The following NR5A1 variants were observed in gnomAD, a reference collection of about 807,000 sequenced individuals.
NR5A1 encodes the protein nuclear receptor subfamily 5 group A member 1.
Under a neutral mutation model 42.7 loss-of-function variants are expected in NR5A1, and 6 were observed. The ratio of observed to expected loss-of-function variants is 0.14; its 90% CI spans 0.08 to 0.28. The LOEUF is 0.28. Among genes scored for constraint, NR5A1 ranks in the 10% least tolerant of loss-of-function variants. The pLI, the probability that NR5A1 is intolerant of heterozygous loss-of-function variation, is 1.00. For missense variants in NR5A1, 442 were observed against 626.4 expected, an observed-to-expected ratio of 0.71 and a Z score of 3.14; for synonymous variants, 274 against 277.5, an observed-to-expected ratio of 0.99 and a Z score of 0.12.
At position 124,500,247 on chromosome 9, in the gene NR5A1, T is replaced by C. The variant is rs758848326; in HGVS notation, c.713A>G (p.Asp238Gly). ...GCCCAAGATGCGGGCCCGCACCTGG[T>C]CCTCATCCGGCTCCAGCTGCAGCAG... ...LQLLQLEPDE[D>G]QVRARILGCL... The change falls in exon 4 of 7, where the codon GAC (aspartate) becomes GGC (glycine). Residue 238 changes from aspartate to glycine, a missense_variant. Asp to Gly is a moderately conservative substitution (Grantham distance 94). Coordinates refer to ENST00000373588, the MANE Select transcript of NR5A1 (RefSeq NM_004959.5). The surrounding 1 kb of genome is among the most constrained non-coding windows in gnomAD (Gnocchi z 6.9). 1.2e-6 allele frequency: 2 copies of C among 1,601,404 alleles called. No individual in the cohort carries two copies. The highest frequency in any genetic ancestry group is 1.7e-6 in the Non-Finnish European group (2 of 1,174,442).
rs996926071 is a variant in NR5A1, at chr9:124,503,907, A to G, written c.-15-497T>C. Among the ~76,000 whole-genome samples the G allele has an allele frequency of 6.6e-6, 1 of 152,012 alleles. No homozygotes were observed. Among genetic ancestry groups the G allele is most frequent in the Non-Finnish European group, 1.5e-5 (1 of 68,012 alleles). On this transcript the variant is annotated intron_variant, in intron 1 of 6. Coordinates refer to ENST00000373588, the MANE Select transcript of NR5A1 (RefSeq NM_004959.5). The surrounding 1 kb of genome is among the most constrained non-coding windows in gnomAD (Gnocchi z 9.6). ...CTGGCGAGAGACAACGACCGACGCC[A>G]CCGGGCGCAGACACGAGGCCAGTCC...
chr9:124,503,773 G>A lies in NR5A1; in HGVS notation c.-15-363C>T, dbSNP rs979109506. 6.6e-6 allele frequency among the ~76,000 whole-genome samples: 1 copy of A among 152,236 alleles called. No homozygotes were observed. Among genetic ancestry groups the A allele is most frequent in the African/African-American group, 2.4e-5 (1 of 41,464 alleles). On this transcript the variant is annotated intron_variant, in intron 1 of 6. Coordinates refer to ENST00000373588, the MANE Select transcript of NR5A1 (RefSeq NM_004959.5). The surrounding 1 kb of genome is among the most constrained non-coding windows in gnomAD (Gnocchi z 9.6). ...AGATGGGCTCAGCCGCGGGGAAGAC[G>A]CCAGGGGACCCAGGAGCGCTGGGGC...
At chr9:124,485,069 C>G (rs1832187700) in intron 6 of NR5A1, among the ~76,000 whole-genome samples, 1 of 152,190 alleles carries the variant, frequency 6.6e-6, no homozygotes, top group African/African-American at 2.4e-5. Flanking sequence ...AGCCTTCCTC[C>G]TCCCTGGAGG....
intron 6 of NR5A1, among the ~76,000 whole-genome samples, chr9:124,489,749 G>GCTC (rs889109727): frequency 9.0e-6 from 1 of 111,302 alleles, no homozygotes; most frequent in Admixed American, 1.0e-4. Context: ...GATCCTACCC[G>GCTC]CCCCCCACCC....
rs926009126 is a variant in NR5A1 at position 124,500,450 on chromosome 9, G to A, written c.510C>T (p.Pro170=). ...PLGDFGAPAL[P]MAVPGAHGPL... is the part of the protein sequence containing the mutation. ...GCCCGTGGGCACCGGGCACGGCCAT[G>A]GGCAGTGCTGGGGCCCCAAAGTCGC... The change falls in exon 4 of 7, where the codon CCC becomes CCT. Residue 170 remains proline (P), a synonymous_variant. Coordinates refer to ENST00000373588, the MANE Select transcript of NR5A1 (RefSeq NM_004959.5). This position sits in a 1 kb window ranked among gnomAD's most constrained non-coding sequence, Gnocchi z 6.9. 27 of 1,587,558 alleles carry A rather than the reference G, an allele frequency of 1.7e-5. No homozygotes were observed. Among genetic ancestry groups the A allele is most frequent in the Non-Finnish European group, 2.3e-5 (27 of 1,168,910 alleles).
Position 124,481,358 on chromosome 9 carries a change from A to G in NR5A1, c.*1400T>C, listed in dbSNP as rs10283445. ...GGGGCACATGTTTCAGGGGGCGGGG[A>G]GGGGAGGTACTGAGACAGGGTGGCG... On this transcript the variant is annotated 3_prime_UTR_variant, in exon 7 of 7. Coordinates refer to ENST00000373588, the MANE Select transcript of NR5A1 (RefSeq NM_004959.5). 0.59 allele frequency: 82,940 copies of G among 140,454 alleles called. 24,866 individuals are homozygous for G. The highest frequency in any genetic ancestry group is 0.77 in the East Asian group (3,752 of 4,882). 8.7% of individuals were successfully genotyped at this position (140,454 alleles called of 1,614,324 possible). A position where few individuals can be genotyped will look rare whatever the true frequency, so the allele number is the denominator to read the frequency against.
Position 124,493,013 on chromosome 9 carries a change from G to T in NR5A1, c.990+17C>A. 1 of 1,573,486 alleles carries T rather than the reference G, an allele frequency of 6.4e-7. No homozygotes were observed. The highest frequency in any genetic ancestry group is 8.6e-7 in the Non-Finnish European group (1 of 1,161,146). On this transcript the variant is annotated intron_variant, in intron 5 of 6. Transcript: ENST00000373588. ...GGCCAGGGCGGGGCCCAGGGGCGGG[G>T]CCGAGGGACTGGTCACCTCCTGCCC...
At chr9:124,486,878 G>T (rs1832218413) in intron 6 of NR5A1, among the ~76,000 whole-genome samples, 1 of 152,220 alleles carries the variant, frequency 6.6e-6, no homozygotes, top group South Asian at 2.1e-4. Flanking sequence ...TTTACAACCA[G>T]CTGGGTGACC....
At chr9:124,486,584 G>A (rs113564697) in intron 6 of NR5A1, among the ~76,000 whole-genome samples, 3,128 of 152,174 alleles carry the variant, frequency 0.021, 120 homozygotes, top group African/African-American at 0.071. Context: ...AGTTCTGTCC[G>A]AGATCCCCCA....
At position 124,496,184 on chromosome 9, in the gene NR5A1, G is replaced by GCACACACA. The variant is rs59598562; in HGVS notation, c.871-3043_871-3036dup. ...ACACTCCCCACACAGATGAGAATGC[G>GCACACACA]CACACACACACACACACACACACAA... On this transcript the variant is annotated intron_variant, in intron 4 of 6. Coordinates refer to ENST00000373588, the MANE Select transcript of NR5A1 (RefSeq NM_004959.5). This position sits in a 1 kb window ranked among gnomAD's most constrained non-coding sequence, Gnocchi z 5.0. Among the ~76,000 whole-genome samples, 1 of 148,044 alleles carries GCACACACA rather than the reference G, an allele frequency of 6.8e-6. No homozygotes were observed. The highest frequency in any genetic ancestry group is 2.2e-4 in the South Asian group (1 of 4,650).
rs530305524 is a variant in NR5A1 at position 124,505,606 on chromosome 9, G to A, written c.-16+1643C>T. Among the ~76,000 whole-genome samples, 3 of 152,330 alleles carry A rather than the reference G, an allele frequency of 2.0e-5. No homozygotes were observed. The South Asian group carries it at 6.2e-4, about 32-fold the overall frequency. ...GCGCCCCTCTGGGGAGATCTGGGGC[G>A]AACCCCTTCTGCTCGCTAGCCTCAG... is the stretch of plus-strand genomic sequence containing the variant. On this transcript the variant is annotated intron_variant, in intron 1 of 6. Coordinates refer to ENST00000373588, the MANE Select transcript of NR5A1 (RefSeq NM_004959.5).
At chr9:124,495,819 G>C (rs1352566918) in intron 4 of NR5A1, among the ~76,000 whole-genome samples, 1 of 152,162 alleles carries the variant, frequency 6.6e-6, no homozygotes, top group Non-Finnish European at 1.5e-5. Context: ...CCCTGGATGG[G>C]GCAGCCCTGC....
chr9:124,481,741 C>T lies in NR5A1; in HGVS notation c.*1017G>A, dbSNP rs1289107604. On this transcript the variant is annotated 3_prime_UTR_variant, in exon 7 of 7. Transcript: ENST00000373588. ...CCCCAACAGGGCATCCTGCTGTTCA[C>T]CTAGTGGGTGGAGGGCGGGCAACAG... 5 of 152,344 alleles carry T rather than the reference C, an allele frequency of 3.3e-5. No homozygotes were observed. The East Asian group carries it at 7.7e-4, about 24-fold the overall frequency. 9.4% of individuals were successfully genotyped at this position (152,344 alleles called of 1,614,324 possible). A position where few individuals can be genotyped will look rare whatever the true frequency, so the allele number is the denominator to read the frequency against.
chr9:124,489,246 CT>C (rs1204878742), intron 6 of NR5A1, among the ~76,000 whole-genome samples: 2 of 152,246 alleles, frequency 1.3e-5, no homozygotes, highest in African/African-American at 4.8e-5. Flanking sequence ...CACCCTCCAC[CT>C]ACCCCTCCTT....
At position 124,487,518 on chromosome 9, in the gene NR5A1, T is replaced by C. The variant is rs532542635; in HGVS notation, c.1138+3563A>G. 4.6e-5 allele frequency among the ~76,000 whole-genome samples: 7 copies of C among 152,318 alleles called. No homozygotes were observed. In the East Asian group the frequency reaches 1.4e-3, roughly 29 times the overall value. On this transcript the variant is annotated intron_variant, in intron 6 of 6. Coordinates refer to ENST00000373588, the MANE Select transcript of NR5A1 (RefSeq NM_004959.5). The stretch of plus-strand genomic sequence containing the variant: ...TGATTGCCAGGAGAGAGGCACTAAT[T>C]TTAATTAAACCTCCTTACCTGCCTC...
At chr9:124,491,016 CA>C in intron 6 of NR5A1, 64 bp downstream of exon 6, 14 of 564,596 alleles carry the variant, frequency 2.5e-5, no homozygotes, top group East Asian at 8.6e-5. Context: ...TCTCCAGCCT[CA>C]CCCACCCTCC....
chr9:124,499,756 C>T (rs866697129), intron 4 of NR5A1, among the ~76,000 whole-genome samples: 3 of 152,124 alleles, frequency 2.0e-5, no homozygotes, highest in Admixed American at 2.0e-4. Flanking sequence ...GAATAGGGAA[C>T]CCCAGAGGCT....
chr9:124,494,110 C>T (rs973115834), intron 4 of NR5A1, among the ~76,000 whole-genome samples: 1 of 152,214 alleles, frequency 6.6e-6, no homozygotes, highest in Non-Finnish European at 1.5e-5. Flanking sequence ...CAGACACAGC[C>T]CCATCCCTCT....
intron 5 of NR5A1, among the ~76,000 whole-genome samples, chr9:124,492,149 C>T (rs1197474587): frequency 1.3e-5 from 2 of 152,090 alleles, no homozygotes; most frequent in African/African-American, 2.4e-5. Context: ...CCCACAGCAC[C>T]CACCGACCCC....
Sources: gnomAD v4.1 joint callset for allele counts (sites outside exome capture counted in the v4.1 genomes callset) on GRCh38, gnomAD v4.1.1 for gene constraint, Gnocchi (gnomAD v3.1) non-coding constraint, MANE v1.5 for transcripts, NCBI Gene and HGNC (gene_info 2026-07-23, HGNC 2026-07-21) for gene names.